PDE8B: variants seen among roughly 807,000 people sequenced by gnomAD.
PDE8B encodes phosphodiesterase 8B.
PDE8B carries 26 observed loss-of-function variants against 101.3 expected under a neutral mutation model. The ratio of observed to expected loss-of-function variants is 0.26; its 90% CI spans 0.19 to 0.36. PDE8B has a LOEUF of 0.36. Ranked by LOEUF, PDE8B falls within the 10% of genes least tolerant of loss-of-function variation. The probability of loss-of-function intolerance (pLI) is 1.00; values close to 1 mark genes in which losing one functional copy is unlikely to be tolerated. For synonymous variants in PDE8B, 424 were observed against 429.3 expected (o/e 0.99, Z 0.15); for missense variants, 810 against 1,163.1 (o/e 0.70, Z 4.42).
At chr5:77,120,095 G>C in the PDE8B span, among the ~76,000 whole-genome samples, 1 of 152,188 alleles carries the variant, frequency 6.6e-6, no homozygotes, top group Admixed American at 6.5e-5. Flanking sequence ...ATATTGCCCA[G>C]CCATAAAAAG....
intron 1 of PDE8B, among the ~76,000 whole-genome samples, chr5:77,290,104 C>A (rs1766934723): frequency 6.6e-6 from 1 of 152,220 alleles, no homozygotes; most frequent in Non-Finnish European, 1.5e-5. Context: ...CATCTGTCCT[C>A]TCCAAGGGGT....
At chr5:77,285,891 T>C (rs1034794954) in intron 1 of PDE8B, among the ~76,000 whole-genome samples, 1 of 152,216 alleles carries the variant, frequency 6.6e-6, no homozygotes, top group Admixed American at 6.5e-5. Context: ...CAGTGAATAT[T>C]TATTTCCAAT....
chr5:77,247,661 A>G (rs1404895623), intron 1 of PDE8B, among the ~76,000 whole-genome samples: 1 of 152,038 alleles, frequency 6.6e-6, no homozygotes, highest in Admixed American at 6.6e-5. Flanking sequence ...CACAATACCC[A>G]TCTTACAGTG....
chr5:77,110,933 AG>A, the PDE8B span, among the ~76,000 whole-genome samples: 1 of 152,254 alleles, frequency 6.6e-6, no homozygotes, highest in Non-Finnish European at 1.5e-5. Flanking sequence ...CCATATCGAA[AG>A]AATTTGGCAA....
Position 77,310,432 on chromosome 5 carries a change from G to A in PDE8B, c.340-1562G>A, listed in dbSNP as rs915815219. On this transcript the variant is annotated intron_variant, in intron 1 of 21. Transcript: ENST00000264917. ...GTTGCTCTTGGGGCTGTGCCCCTAG[G>A]CTACTGGTGTCAGCACCCACACCTT... Among the ~76,000 whole-genome samples the A allele has an allele frequency of 4.6e-5, 7 of 152,350 alleles. No individual in the cohort carries two copies. The South Asian group carries it at 1.5e-3, about 32-fold the overall frequency.
chr5:77,099,350 G>T, the PDE8B span, among the ~76,000 whole-genome samples: 2 of 152,198 alleles, frequency 1.3e-5, no homozygotes, highest in African/African-American at 4.8e-5. Context: ...CAGTTGGACT[G>T]TTGGAATACT....
intron 6 of PDE8B, among the ~76,000 whole-genome samples, chr5:77,339,150 T>C (rs1041097184): frequency 9.2e-5 from 14 of 152,228 alleles, no homozygotes; most frequent in Non-Finnish European, 1.0e-4. Flanking sequence ...TAAGGTCTTA[T>C]CAGATTCAGA....
chr5:77,227,086 A>G (rs555503595), intron 1 of PDE8B, among the ~76,000 whole-genome samples: 2 of 152,346 alleles, frequency 1.3e-5, no homozygotes, highest in African/African-American at 2.4e-5. Flanking sequence ...TTGAGCCTTC[A>G]TTAGAGCTTA....
At chr5:77,238,868 T>A (rs938837962) in intron 1 of PDE8B, among the ~76,000 whole-genome samples, 1 of 152,232 alleles carries the variant, frequency 6.6e-6, no homozygotes, top group African/African-American at 2.4e-5. Flanking sequence ...AGAATGAATT[T>A]GCCCTTCTTC....
the PDE8B span, chr5:77,119,678 G>C: frequency 1.6e-5 from 2 of 123,988 alleles, no homozygotes; most frequent in Non-Finnish European, 3.4e-5. Flanking sequence ...AAAAAAAAAA[G>C]AGTGTTCACA....
intron 10 of PDE8B, among the ~76,000 whole-genome samples, chr5:77,366,186 A>G (rs1331378714): frequency 2.6e-5 from 4 of 152,082 alleles, no homozygotes; most frequent in Admixed American, 2.0e-4. Flanking sequence ...CTTTAATTGA[A>G]ATTAGAAAAA....
chr5:77,211,002 C>T lies in PDE8B; in HGVS notation c.77C>T (p.Pro26Leu). The change falls in exon 1 of 22, where the codon CCC (proline) becomes CTC (leucine). Residue 26 changes from proline to leucine, a missense_variant. By Grantham distance (98) the Pro-to-Leu change is moderately conservative. This residue lies in a region of PDE8B where 159 missense variants were observed against 146.6 expected (regional missense o/e 1.08). Coordinates refer to ENST00000264917, the MANE Select transcript of PDE8B (RefSeq NM_003719.5). This position sits in a 1 kb window ranked among gnomAD's most constrained non-coding sequence, Gnocchi z 4.1. ...YCRDSDESSSPRQTTSVSQGP... is the reference protein window; with the variant it reads ...YCRDSDESSSLRQTTSVSQGP... The stretch of plus-strand genomic sequence containing the variant: ...CGGGACTCGGACGAGTCCAGCTCGC[C>T]CCGCCAGACCACCAGCGTGTCGCAG... 6.5e-7 allele frequency: 1 copy of T among 1,548,760 alleles called. No individual in the cohort carries two copies. The highest frequency in any genetic ancestry group is 8.6e-7 in the Non-Finnish European group (1 of 1,157,568).
chr5:77,327,216 C>T (rs1313777820), intron 3 of PDE8B, among the ~76,000 whole-genome samples: 1 of 152,156 alleles, frequency 6.6e-6, no homozygotes, highest in African/African-American at 2.4e-5. Flanking sequence ...GTGCTAGATC[C>T]CTCACCCTTG....
chr5:77,155,062 G>A, the PDE8B span, among the ~76,000 whole-genome samples: 1,014 of 152,250 alleles, frequency 6.7e-3, 5 homozygotes, highest in Non-Finnish European at 0.012. Context: ...AATGTTGCCC[G>A]TGGGAATAAC....
At position 77,363,587 on chromosome 5, in the gene PDE8B, C is replaced by G. The variant is rs557485992; in HGVS notation, c.1167+10181C>G. Among the ~76,000 whole-genome samples, 282 of 152,038 alleles carry G rather than the reference C, an allele frequency of 1.9e-3. 2 individuals carry two copies. Among genetic ancestry groups the G allele is most frequent in the African/African-American group, 6.6e-3 (274 of 41,458 alleles). On this transcript the variant is annotated intron_variant, in intron 10 of 21. Coordinates refer to ENST00000264917, the MANE Select transcript of PDE8B (RefSeq NM_003719.5). ...AGTAGCTGGGCATGGTGGCGGGTGC[C>G]TGTAATCCCAGCTTCTCAGAAGGCT...
At chr5:77,240,500 C>T (rs1020960267) in intron 1 of PDE8B, among the ~76,000 whole-genome samples, 3 of 152,146 alleles carry the variant, frequency 2.0e-5, no homozygotes, top group African/African-American at 7.2e-5. Context: ...CAGGAGGTCT[C>T]GTAGACAGGA....
the PDE8B span, among the ~76,000 whole-genome samples, chr5:77,124,295 T>C: frequency 6.6e-6 from 1 of 152,036 alleles, no homozygotes; most frequent in African/African-American, 2.4e-5. Context: ...AATATAGCTA[T>C]TGGAAATATG....
chr5:77,097,420 G>A, the PDE8B span, among the ~76,000 whole-genome samples: 15 of 151,666 alleles, frequency 9.9e-5, no homozygotes, highest in South Asian at 2.3e-3. Context: ...GGAGAGTAAA[G>A]GTATTGTCCA....
intron 10 of PDE8B, among the ~76,000 whole-genome samples, chr5:77,389,991 T>G (rs1207628089): frequency 2.6e-5 from 4 of 152,166 alleles, no homozygotes; most frequent in Non-Finnish European, 5.9e-5. Flanking sequence ...GATGGCTAAT[T>G]TTAAAAGAAA....
Sources: allele counts gnomAD v4.1 joint callset (sites outside exome capture counted in the v4.1 genomes callset), GRCh38; gene constraint gnomAD v4.1.1; regional missense constraint gnomAD v4.1.1; non-coding constraint Gnocchi (gnomAD v3.1); transcripts MANE v1.5; gene names NCBI Gene and HGNC (gene_info 2026-07-23, HGNC 2026-07-21).